The following COL22A1 variants were observed in gnomAD, a reference collection of about 807,000 sequenced individuals.
COL22A1 encodes collagen alpha-1(XXII) chain.
In COL22A1, 221 loss-of-function variants were observed where a neutral mutation model predicts 248.9. The observed-to-expected ratio is 0.89, with a 90% CI of 0.80 to 0.99. The LOEUF is 0.99. Ranked by LOEUF, COL22A1 falls within the 50% of genes least tolerant of loss-of-function variation. COL22A1 has a pLI of 0.00. For missense variants in COL22A1, 2,240 were observed against 2,179.0 expected, an observed-to-expected ratio of 1.03 and a Z score of -0.56; for synonymous variants, 891 against 793.4, an observed-to-expected ratio of 1.12 and a Z score of -2.07.
intron 39 of COL22A1, among the ~76,000 whole-genome samples, chr8:138,680,486 A>G (rs1180688359): frequency 1.3e-5 from 2 of 152,228 alleles, no homozygotes; most frequent in African/African-American, 4.8e-5. Flanking sequence ...GTGCCACTCA[A>G]GAGAAGTACT....
intron 38 of COL22A1, 65 bp from the exon 39 acceptor site, chr8:138,684,534 G>T (rs868387463): frequency 1.7e-6 from 2 of 1,156,360 alleles, no homozygotes; most frequent in Non-Finnish European, 2.6e-6. Flanking sequence ...CATCCACCAC[G>T]TGCCAGGCTG....
chr8:138,901,387 G>GACAGTCTCTCACTCT (rs1814556171), intron 1 of COL22A1, among the ~76,000 whole-genome samples: 1 of 32,336 alleles, frequency 3.1e-5, no homozygotes, highest in Admixed American at 5.2e-4. Flanking sequence ...TTTTTTTTGA[G>GACAGTCTCTCACTCT]ACAGTCTCTC....
At chr8:138,722,860 GTGGT>G (rs1301875820) in intron 25 of COL22A1, among the ~76,000 whole-genome samples, 1 of 90,138 alleles carries the variant, frequency 1.1e-5, no homozygotes, top group African/African-American at 4.0e-5. Context: ...CGGGGGGGGG[GTGGT>G]GGAAAACACA....
chr8:138,809,528 C>CTTTTTCTTTTTTTTTTTTTTTT (rs1554633655), intron 9 of COL22A1, among the ~76,000 whole-genome samples: 2 of 117,630 alleles, frequency 1.7e-5, no homozygotes, highest in African/African-American at 3.3e-5. Flanking sequence ...TTTTCTTTTT[C>CTTTTTCTTTTTTTTTTTTTTTT]TTTTTTTTTT....
chr8:138,844,702 G>C (rs1821111234), intron 3 of COL22A1, among the ~76,000 whole-genome samples: 1 of 152,126 alleles, frequency 6.6e-6, no homozygotes, highest in African/African-American at 2.4e-5. Context: ...TGTAATCCCA[G>C]CACTTTGGGA....
In COL22A1 at chr8:138,613,890, G is replaced by A. The variant is rs1819105309; in HGVS notation, c.3955C>T (p.Pro1319Ser). 1.2e-6 allele frequency: 2 copies of A among 1,613,946 alleles called. No homozygotes were observed. Among genetic ancestry groups the A allele is most frequent in the Non-Finnish European group, 1.7e-6 (2 of 1,179,820 alleles). The change falls in exon 56 of 65, where the codon CCC (proline) becomes TCC (serine). Residue 1319 changes from proline (P) to serine (S), a missense_variant. Pro to Ser is a moderately conservative substitution (Grantham distance 74, BLOSUM62 -1). Transcript: ENST00000303045. The part of the protein sequence containing the change: ...GDTGPTGPQG[P>S]QGPRGPPGKN... ...ACCGGTGGGCCCCTTGGTCCTTGGG[G>A]ACCCTGTGGCCCAGTGGGTCCAGTG...
At chr8:138,792,009 T>C (rs1373170863) in intron 12 of COL22A1, among the ~76,000 whole-genome samples, 3 of 152,184 alleles carry the variant, frequency 2.0e-5, no homozygotes, top group Non-Finnish European at 2.9e-5. Flanking sequence ...GCTGAAGACA[T>C]GACTTTTTGG....
chr8:138,694,482 A>C (rs1237600954), intron 34 of COL22A1, 26 bp downstream of exon 34: 2 of 1,611,464 alleles, frequency 1.2e-6, no homozygotes, highest in East Asian at 4.5e-5. Flanking sequence ...TCTCTGAGCC[A>C]GCAGGGGAAG....
At chr8:138,704,472 T>C (rs1828241473) in intron 30 of COL22A1, among the ~76,000 whole-genome samples, 1 of 152,206 alleles carries the variant, frequency 6.6e-6, no homozygotes, top group African/African-American at 2.4e-5. Context: ...TCTGCAATAT[T>C]TGCTGTTCTG....
At chr8:138,619,112 T>C (rs925548303) in intron 53 of COL22A1, among the ~76,000 whole-genome samples, 2 of 152,132 alleles carry the variant, frequency 1.3e-5, no homozygotes, top group Admixed American at 6.6e-5. Context: ...ACTTTTATAG[T>C]TGGGAAAAAA....
intron 22 of COL22A1, among the ~76,000 whole-genome samples, chr8:138,750,511 C>G (rs1158636720): frequency 6.6e-6 from 1 of 152,098 alleles, no homozygotes; most frequent in African/African-American, 2.4e-5. Flanking sequence ...CGAAGTCAAT[C>G]CACAGCAAAA....
chr8:138,722,376 G>A (rs1447407082), intron 25 of COL22A1, among the ~76,000 whole-genome samples: 3 of 152,298 alleles, frequency 2.0e-5, no homozygotes, highest in Middle Eastern at 3.4e-3. Flanking sequence ...GCCAAATCTT[G>A]CTCTGATGGT....
chr8:138,713,511 C>G (rs971014816), intron 30 of COL22A1, among the ~76,000 whole-genome samples: 1 of 152,238 alleles, frequency 6.6e-6, no homozygotes, highest in African/African-American at 2.4e-5. Flanking sequence ...TCTGCTTTAG[C>G]AAAGGATCTT....
At chr8:138,693,772 T>G in intron 34 of COL22A1, 73 bp from the exon 35 acceptor site, 1 of 1,464,868 alleles carries the variant, frequency 6.8e-7, no homozygotes, top group Non-Finnish European at 9.4e-7. Flanking sequence ...AGCAGGGAGG[T>G]CTCGGGAATA....
chr8:138,624,087 G>A (rs921956215), intron 51 of COL22A1, among the ~76,000 whole-genome samples: 2 of 152,074 alleles, frequency 1.3e-5, no homozygotes, highest in Admixed American at 6.5e-5. Context: ...GGGCATTTTC[G>A]TGAAGTCAAG....
intron 56 of COL22A1, 87 bp downstream of exon 56, chr8:138,613,780 G>A: frequency 8.5e-7 from 1 of 1,183,350 alleles, no homozygotes; most frequent in Non-Finnish European, 1.3e-6. Flanking sequence ...AATATATACA[G>A]TGGCACCAGA....
At chr8:138,863,325 A>T (rs368861737) in intron 3 of COL22A1, among the ~76,000 whole-genome samples, 67 of 152,218 alleles carry the variant, frequency 4.4e-4, no homozygotes, top group African/African-American at 1.6e-3. Context: ...ACATTGAAAT[A>T]ATCTGTTGCT....
chr8:138,606,255 C>A, intron 58 of COL22A1, 126 bp downstream of exon 58: 1 of 850,722 alleles, frequency 1.2e-6, no homozygotes, highest in Non-Finnish European at 1.9e-6. Context: ...AACTTTGACC[C>A]CACACAGGTC....
At chr8:138,876,220 C>A (rs1403490940) in intron 3 of COL22A1, among the ~76,000 whole-genome samples, 1 of 152,190 alleles carries the variant, frequency 6.6e-6, no homozygotes, top group Non-Finnish European at 1.5e-5. Context: ...TCATGGCATC[C>A]TTTAATCCCA....
Sources: allele counts gnomAD v4.1 joint callset (sites outside exome capture counted in the v4.1 genomes callset), GRCh38; gene constraint gnomAD v4.1.1; transcripts MANE v1.5; gene names NCBI Gene and HGNC (gene_info 2026-07-23, HGNC 2026-07-21).